PAFAH1B1: variants seen among roughly 807,000 people sequenced by gnomAD.
The protein encoded by PAFAH1B1 is platelet-activating factor acetylhydrolase IB subunit beta.
PAFAH1B1 carries 2 observed loss-of-function variants against 57.5 expected under a neutral mutation model. The ratio of observed to expected loss-of-function variants is 0.03; its 90% confidence interval spans 0.01 to 0.11. The LOEUF (loss-of-function observed/expected upper bound fraction) is 0.11. PAFAH1B1 is among the 10% of genes least tolerant of loss of function. The probability of loss-of-function intolerance (pLI) is 1.00; values close to 1 mark genes in which losing one functional copy is unlikely to be tolerated. For missense variants in PAFAH1B1, 257 were observed against 512.0 expected, an observed-to-expected ratio of 0.50 and a Z score of 4.81; for synonymous variants, 152 against 169.6, an observed-to-expected ratio of 0.90 and a Z score of 0.81.
intron 6 of PAFAH1B1, among the ~76,000 whole-genome samples, chr17:2,671,289 A>C (rs1597572554): frequency 6.6e-6 from 1 of 151,532 alleles, no homozygotes. Context: ...GCTCACTGCA[A>C]CCTCCGCCTC....
At chr17:2,672,609 C>CATAATATTACTTCATAATATA (rs756850291) in intron 6 of PAFAH1B1, 46 bp from the exon 7 acceptor site, 2 of 1,269,008 alleles carry the variant, frequency 1.6e-6, no homozygotes, top group South Asian at 2.4e-5. Context: ...TTTCATTGCT[C>CATAATATTACTTCATAATATA]TTGGTGGTAT....
chr17:2,649,195 C>T (rs1192951407), intron 2 of PAFAH1B1, among the ~76,000 whole-genome samples: 1 of 114,162 alleles, frequency 8.8e-6, no homozygotes, highest in Admixed American at 9.8e-5. Context: ...CCAGCCTGGG[C>T]AACAAAGCAA....
chr17:2,645,761 C>T (rs963241892), intron 2 of PAFAH1B1, among the ~76,000 whole-genome samples: 7 of 151,538 alleles, frequency 4.6e-5, no homozygotes, highest in African/African-American at 4.8e-5. Flanking sequence ...CATGCCACCA[C>T]GCCTGGCCAC....
At chr17:2,620,135 A>G (rs2068400343) in intron 1 of PAFAH1B1, among the ~76,000 whole-genome samples, 1 of 152,162 alleles carries the variant, frequency 6.6e-6, no homozygotes, top group Non-Finnish European at 1.5e-5. Context: ...TAGTATATTC[A>G]GAAGAAAGTG....
intron 1 of PAFAH1B1, among the ~76,000 whole-genome samples, chr17:2,619,217 A>G (rs1170987365): frequency 6.6e-6 from 1 of 152,008 alleles, no homozygotes; most frequent in Non-Finnish European, 1.5e-5. Context: ...CGGCGTAATC[A>G]CCGCAGCTCA....
chr17:2,625,343 A>G (rs949633328), intron 1 of PAFAH1B1, among the ~76,000 whole-genome samples: 12 of 152,242 alleles, frequency 7.9e-5, no homozygotes, highest in Non-Finnish European at 1.5e-4. Context: ...AATACATTTC[A>G]AAAATATTAA....
intron 1 of PAFAH1B1, among the ~76,000 whole-genome samples, chr17:2,596,530 A>G (rs539847504): frequency 7.2e-5 from 11 of 152,342 alleles, no homozygotes; most frequent in South Asian, 4.1e-4. Flanking sequence ...CCCTGTATCA[A>G]GCATTCACAT....
rs921897594 is a variant in PAFAH1B1 at position 2,652,351 on chromosome 17, C to G, written c.33-13021C>G. Among the ~76,000 whole-genome samples, 8 of 152,286 alleles carry G rather than the reference C, an allele frequency of 5.3e-5. 1 individual carries two copies. In the South Asian group the frequency reaches 8.3e-4, roughly 16 times the overall value. On this transcript the variant is annotated intron_variant, in intron 2 of 10. Transcript: ENST00000397195. ...AATGGCGTGAACCCGGGAGGCGGAG[C>G]TTGCAGTGAGCCAAGATCGCGCCAC...
intron 1 of PAFAH1B1, among the ~76,000 whole-genome samples, chr17:2,597,181 A>G (rs1236509529): frequency 6.6e-6 from 1 of 152,112 alleles, no homozygotes; most frequent in African/African-American, 2.4e-5. Context: ...GTGTTTCTTG[A>G]TACATGTTGG....
At chr17:2,622,813 C>T (rs182516248) in intron 1 of PAFAH1B1, among the ~76,000 whole-genome samples, 55 of 152,332 alleles carry the variant, frequency 3.6e-4, no homozygotes, top group Admixed American at 1.4e-3. Flanking sequence ...GGGCCCTGTC[C>T]CTGCAGCAAA....
chr17:2,680,086 A>G (rs557740664), intron 9 of PAFAH1B1, 78 bp from the exon 10 acceptor site: 2 of 1,253,546 alleles, frequency 1.6e-6, no homozygotes, highest in Admixed American at 1.7e-5. Flanking sequence ...TGGTATGTAT[A>G]GTTTTATCGT....
At chr17:2,635,557 G>A (rs1367919592) in intron 1 of PAFAH1B1, 1 of 151,912 alleles carries the variant, frequency 6.6e-6, no homozygotes, top group East Asian at 1.9e-4. Flanking sequence ...GTAGAGACAG[G>A]GTCTCGCTTT....
intron 1 of PAFAH1B1, among the ~76,000 whole-genome samples, chr17:2,604,527 TG>T (rs1196285534): frequency 6.6e-6 from 1 of 152,026 alleles, no homozygotes; most frequent in Non-Finnish European, 1.5e-5. Context: ...AATGAATAAT[TG>T]GGCCAGGCGT....
At chr17:2,647,995 C>G (rs1324586101) in intron 2 of PAFAH1B1, among the ~76,000 whole-genome samples, 1 of 152,034 alleles carries the variant, frequency 6.6e-6, no homozygotes, top group Non-Finnish European at 1.5e-5. Context: ...CAGAGTGAGA[C>G]TCTCTCAAAA....
intron 1 of PAFAH1B1, among the ~76,000 whole-genome samples, chr17:2,625,037 A>G (rs998448295): frequency 1.5e-5 from 2 of 137,762 alleles, no homozygotes; most frequent in Non-Finnish European, 1.6e-5. Context: ...TTTTTTTTTT[A>G]ACTCTTCCAC....
At chr17:2,659,659 C>T (rs891691735) in intron 2 of PAFAH1B1, among the ~76,000 whole-genome samples, 1 of 150,536 alleles carries the variant, frequency 6.6e-6, no homozygotes, top group African/African-American at 2.4e-5. Context: ...AGTGAAACCC[C>T]GTCTCCACTA....
At chr17:2,662,042 C>CAAAAAAAAAAAA in intron 2 of PAFAH1B1, 1 of 67,858 alleles carries the variant, frequency 1.5e-5, no homozygotes, top group Non-Finnish European at 2.9e-5. Context: ...GACTCCATCT[C>CAAAAAAAAAAAA]AAAAAAAAAA....
At chr17:2,667,768 C>G (rs1407710676) in intron 5 of PAFAH1B1, among the ~76,000 whole-genome samples, 1 of 151,886 alleles carries the variant, frequency 6.6e-6, no homozygotes, top group African/African-American at 2.4e-5. Flanking sequence ...TGGGAATATA[C>G]AAGCTTTTCA....
At chr17:2,625,172 A>G (rs1046919012) in intron 1 of PAFAH1B1, among the ~76,000 whole-genome samples, 19 of 152,234 alleles carry the variant, frequency 1.2e-4, no homozygotes, top group African/African-American at 3.9e-4. Flanking sequence ...TCTGCATTCC[A>G]AAAGCATACT....
Sources: gnomAD v4.1 joint callset for allele counts (sites outside exome capture counted in the v4.1 genomes callset) on GRCh38, gnomAD v4.1.1 for gene constraint, MANE v1.5 for transcripts, NCBI Gene and HGNC (gene_info 2026-07-23, HGNC 2026-07-21) for gene names.